The following CDO1 variants were observed in gnomAD, a reference collection of about 807,000 sequenced individuals.
CDO1 encodes the protein cysteine dioxygenase type 1, also known as cysteine dioxygenase, type I.
In CDO1, 19 loss-of-function variants were observed where a neutral mutation model predicts 24.5. The ratio of observed to expected loss-of-function variants is 0.77; its 90% CI spans 0.54 to 1.14. The LOEUF (loss-of-function observed/expected upper bound fraction) is 1.14. Among genes scored for constraint, CDO1 ranks in the 50% most tolerant of loss-of-function variants. The pLI, the probability that CDO1 is intolerant of heterozygous loss-of-function variation, is 0.00. For synonymous variants in CDO1, 91 were observed against 87.0 expected (o/e 1.05, Z -0.26); for missense variants, 244 against 244.8 (o/e 1.00, Z 0.02).
At chr5:115,808,724 A>C (rs1295765565) in intron 3 of CDO1, among the ~76,000 whole-genome samples, 1 of 144,932 alleles carries the variant, frequency 6.9e-6, no homozygotes, top group Non-Finnish European at 1.5e-5. Flanking sequence ...CACACACACA[A>C]AAACAAAACA....
At position 115,816,464 on chromosome 5, in the gene CDO1, G is replaced by A. The variant is rs1760456022; in HGVS notation, c.-67C>T. The A allele has an allele frequency of 5.7e-6, 9 of 1,570,976 alleles. No individual in the cohort carries two copies. Among genetic ancestry groups the A allele is most frequent in the South Asian group, 1.1e-5 (1 of 88,322 alleles). The stretch of plus-strand genomic sequence containing the variant: ...GCGGTGGAGGAGCTGAGCGAGCCAA[G>A]GAGCTGGGGGCGAGGGAGCCTAACA... On this transcript the variant is annotated 5_prime_UTR_variant, in exon 1 of 5. Coordinates refer to ENST00000250535, the MANE Select transcript of CDO1 (RefSeq NM_001801.3).
At chr5:115,809,443 G>T (rs1005566883) in intron 3 of CDO1, among the ~76,000 whole-genome samples, 2 of 151,892 alleles carry the variant, frequency 1.3e-5, no homozygotes, top group African/African-American at 4.8e-5. Flanking sequence ...CCACCAAATC[G>T]ATCAAGATAT....
intron 2 of CDO1, 134 bp downstream of exon 2, chr5:115,813,047 C>CA (rs1011228490): frequency 0.078 from 11,880 of 151,942 alleles, 663 homozygotes; most frequent in African/African-American, 0.096. Context: ...ACCACTGTCT[C>CA]AAAAAAAAAA....
At chr5:115,808,498 A>C (rs1244415469) in intron 3 of CDO1, among the ~76,000 whole-genome samples, 1 of 152,156 alleles carries the variant, frequency 6.6e-6, no homozygotes, top group Non-Finnish European at 1.5e-5. Flanking sequence ...TGCTCCACCA[A>C]AACAAGGGCA....
chr5:115,806,834 A>C (rs113070686), intron 3 of CDO1, among the ~76,000 whole-genome samples: 2 of 152,242 alleles, frequency 1.3e-5, no homozygotes, highest in Non-Finnish European at 2.9e-5. Flanking sequence ...GAGCAGAGAA[A>C]GCTAAATCCT....
Position 115,805,437 on chromosome 5 carries a change from T to C in CDO1, c.599A>G (p.Asn200Ser), listed in dbSNP as rs1759903255. Residue 200 changes from asparagine to serine, a missense_variant, in exon 5 of 5, where the codon AAC becomes AGC. Asn to Ser is a conservative substitution (Grantham distance 46, BLOSUM62 1). Transcript: ENST00000250535. ...CCTCAGAGGGTTTGGTGCCCCTTAGTTGTTCTCCAGCGAGCCCGAAGTTGC... is the reference window on the plus strand; with the variant it reads ...CCTCAGAGGGTTTGGTGCCCCTTAGCTGTTCTCCAGCGAGCCCGAAGTTGC... ...PNATSGSLEN[N>S] The C allele has an allele frequency of 6.2e-7, 1 of 1,613,836 alleles. No homozygotes were observed. Among genetic ancestry groups the C allele is most frequent in the African/African-American group, 1.3e-5 (1 of 74,882 alleles).
Position 115,816,273 on chromosome 5 carries a change from C to G in CDO1, c.125G>C (p.Ser42Thr). The G allele has an allele frequency of 1.2e-6, 2 of 1,614,218 alleles. No individual in the cohort carries two copies. The highest frequency in any genetic ancestry group is 1.7e-6 in the Non-Finnish European group (2 of 1,180,036). ...GTACATTGCCCACTCGGTGGGGTCG[C>G]TCTCGTAGGCTTCCATGATGGCCTG... ...EVQAIMEAYESDPTEWAMYAK... is the reference protein window; with the variant it reads ...EVQAIMEAYETDPTEWAMYAK... Residue 42 changes from serine (S) to threonine (T), a missense_variant, in exon 1 of 5, where the codon AGC (serine) becomes ACC (threonine). Ser to Thr is a moderately conservative substitution (Grantham distance 58, BLOSUM62 1). Coordinates refer to ENST00000250535, the MANE Select transcript of CDO1 (RefSeq NM_001801.3).
intron 3 of CDO1, among the ~76,000 whole-genome samples, chr5:115,808,765 TACTC>T (rs918519940): frequency 6.6e-6 from 1 of 151,510 alleles, no homozygotes; most frequent in African/African-American, 2.4e-5. Flanking sequence ...CGAGATGAAA[TACTC>T]AATTAAAAAA....
chr5:115,807,996 C>CA (rs1488224014), intron 3 of CDO1, among the ~76,000 whole-genome samples: 1 of 149,626 alleles, frequency 6.7e-6, no homozygotes, highest in Non-Finnish European at 1.5e-5. Context: ...ACAAAAAAAA[C>CA]AAAAACAGGG....
In CDO1 at chr5:115,805,535, T is replaced by A. The variant is rs1580534202; in HGVS notation, c.574-73A>T. ...GACATTTTAACTCCTTCTAAATAGT[T>A]CTGCTTTTGTAGCAGTGTATGAAAA... On this transcript the variant is annotated intron_variant, in intron 4 of 4. Transcript: ENST00000250535. 2.1e-6 allele frequency: 3 copies of A among 1,406,214 alleles called. No individual in the cohort carries two copies. The East Asian group carries it at 6.9e-5, about 32-fold the overall frequency. 87.1% of individuals were successfully genotyped at this position (1,406,214 alleles called of 1,614,324 possible).
chr5:115,812,557 C>G (rs879565261), intron 2 of CDO1, among the ~76,000 whole-genome samples: 7 of 152,176 alleles, frequency 4.6e-5, no homozygotes, highest in Non-Finnish European at 7.4e-5. Context: ...CCACAAATGT[C>G]AAGTGTAAAC....
intron 4 of CDO1, among the ~76,000 whole-genome samples, 172 bp downstream of exon 4, chr5:115,806,177 A>G (rs1334567175): frequency 6.6e-6 from 1 of 152,256 alleles, no homozygotes; most frequent in Non-Finnish European, 1.5e-5. Flanking sequence ...GTTTGGATCT[A>G]ACATAATAAG....
chr5:115,814,636 A>C (rs528795974), intron 1 of CDO1, among the ~76,000 whole-genome samples: 2 of 152,304 alleles, frequency 1.3e-5, no homozygotes, highest in South Asian at 4.2e-4. Flanking sequence ...GCACTTCAAA[A>C]GCTTTAGAGT....
At chr5:115,807,337 G>C (rs1174509634) in intron 3 of CDO1, among the ~76,000 whole-genome samples, 2 of 152,190 alleles carry the variant, frequency 1.3e-5, no homozygotes, top group Non-Finnish European at 2.9e-5. Flanking sequence ...GTGAAATCCA[G>C]TTGACAAGCT....
intron 1 of CDO1, among the ~76,000 whole-genome samples, 156 bp downstream of exon 1, chr5:115,816,072 T>C (rs1760425095): frequency 6.6e-6 from 1 of 152,116 alleles, no homozygotes; most frequent in Admixed American, 6.5e-5. Context: ...AAGCGAGTCG[T>C]GCCAGCCCCG....
intron 3 of CDO1, among the ~76,000 whole-genome samples, chr5:115,809,152 A>C (rs1760078268): frequency 6.6e-6 from 1 of 152,198 alleles, no homozygotes; most frequent in Non-Finnish European, 1.5e-5. Flanking sequence ...CATCTAATGC[A>C]TGCTGACAAT....
intron 1 of CDO1, among the ~76,000 whole-genome samples, chr5:115,815,629 A>G (rs11958544): frequency 0.087 from 13,276 of 152,300 alleles, 1,952 homozygotes; most frequent in African/African-American, 0.3. Context: ...TTACATGAGT[A>G]AAAATGCTTG....
chr5:115,812,319 T>C lies in CDO1; in HGVS notation c.248+862A>G, dbSNP rs115821737. Among the ~76,000 whole-genome samples the C allele has an allele frequency of 2.4e-3, 364 of 152,328 alleles. 2 individuals carry two copies. The highest frequency in any genetic ancestry group is 8.1e-3 in the African/African-American group (337 of 41,574). ...ACCATTCTCAAGACTGAGAAAGGTA[T>C]GTTTCAAAAGAGAGTAATACTTAGT... is the stretch of plus-strand genomic sequence containing the variant. On this transcript the variant is annotated intron_variant, in intron 2 of 4. Transcript: ENST00000250535.
rs767799061 is a variant in CDO1 at position 115,816,441 on chromosome 5, G to T, written c.-44C>A. The T allele has an allele frequency of 4.1e-5, 66 of 1,602,584 alleles. 1 individual carries two copies. The South Asian group carries it at 6.7e-4, about 16-fold the overall frequency. On this transcript the variant is annotated 5_prime_UTR_variant, in exon 1 of 5. Coordinates refer to ENST00000250535, the MANE Select transcript of CDO1 (RefSeq NM_001801.3). ...CGCGCGCGTCTCACTGCTGGGCTGC[G>T]GTGGAGGAGCTGAGCGAGCCAAGGA...
Sources: allele counts gnomAD v4.1 joint callset (sites outside exome capture counted in the v4.1 genomes callset), GRCh38; gene constraint gnomAD v4.1.1; transcripts MANE v1.5; gene names NCBI Gene and HGNC (gene_info 2026-07-23, HGNC 2026-07-21).